The following CTSL variants were observed in gnomAD, a reference collection of about 807,000 sequenced individuals.
CTSL encodes cathepsin L.
CTSL carries 23 observed loss-of-function variants against 34.7 expected under a neutral mutation model. The observed-to-expected ratio is 0.66, with a 90% CI of 0.48 to 0.94. CTSL has a LOEUF of 0.94. Ranked by LOEUF, CTSL falls within the 40% of genes least tolerant of loss-of-function variation. The pLI is 0.00. For missense variants in CTSL, 361 were observed against 406.3 expected (o/e 0.89, Z 0.96); for synonymous variants, 129 against 136.7 (o/e 0.94, Z 0.39).
Position 87,731,131 on chromosome 9 carries a change from G to A in CTSL, c.*24G>A. The A allele has an allele frequency of 1.9e-6, 3 of 1,589,358 alleles. No homozygotes were observed. Among genetic ancestry groups the A allele is most frequent in the Middle Eastern group, 1.7e-4 (1 of 5,992 alleles). ...GAGCTGGTGGACGGTGATGAGGAAG[G>A]ACTTGACTGGGGATGGCGCATGCAT... On this transcript the variant is annotated 3_prime_UTR_variant, in exon 8 of 8. Transcript: ENST00000343150.
Position 87,728,575 on chromosome 9 carries a change from C to T in CTSL, c.397-10C>T, listed in dbSNP as rs182532000. ...TTGTGGATGACAGCTTTTTTTAATT[C>T]CCTTTTCAGGGTCAGTGTGGTTCTT... is the stretch of plus-strand genomic sequence containing the variant. On this transcript the variant is annotated splice_polypyrimidine_tract_variant and intron_variant, in intron 4 of 7. Transcript: ENST00000343150. 1 of 1,595,746 alleles carries T rather than the reference C, an allele frequency of 6.3e-7. No homozygotes were observed. Among genetic ancestry groups the T allele is most frequent in the South Asian group, 1.1e-5 (1 of 87,794 alleles).
At chr9:87,728,924 G>A (rs1587870508) in intron 5 of CTSL, 115 bp downstream of exon 5, 13 of 1,523,770 alleles carry the variant, frequency 8.5e-6, no homozygotes, top group South Asian at 3.8e-5. Flanking sequence ...GGTGGCTCAC[G>A]CCTGTAATCC....
intron 5 of CTSL, 163 bp downstream of exon 5, chr9:87,728,972 G>A: frequency 6.9e-7 from 1 of 1,448,458 alleles, no homozygotes; most frequent in East Asian, 2.5e-5. Flanking sequence ...GATGGCTTAA[G>A]CTCAGGAGTT....
intron 4 of CTSL, 23 bp from the exon 5 acceptor site, chr9:87,728,562 G>T: frequency 6.3e-7 from 1 of 1,596,194 alleles, no homozygotes; most frequent in South Asian, 1.1e-5. Context: ...GTGGATGACA[G>T]CTTTTTTTAA....
intron 2 of CTSL, 59 bp downstream of exon 2, chr9:87,727,788 G>A: frequency 1.2e-6 from 2 of 1,601,486 alleles, no homozygotes; most frequent in Non-Finnish European, 1.7e-6. Context: ...TAGTCAGAGA[G>A]TAGCTTCTAG....
chr9:87,730,674 T>C (rs535301396), intron 7 of CTSL, among the ~76,000 whole-genome samples, 176 bp downstream of exon 7: 2 of 152,362 alleles, frequency 1.3e-5, no homozygotes, highest in Admixed American at 1.3e-4. Flanking sequence ...CACAAATATC[T>C]TGGGAGTATG....
Position 87,728,800 on chromosome 9 carries a change from T to C in CTSL, c.612T>C (p.Tyr204=), listed in dbSNP as rs1240724703. The change falls in exon 5 of 8, where the codon TAT becomes TAC. Residue 204 remains tyrosine, a synonymous_variant. Transcript: ENST00000343150. ...GGLDSEESYP[Y]EATEESCKYN... is the part of the protein sequence containing the mutation. Reference sequence around the variant, plus strand: ...TGGACTCTGAGGAATCCTATCCATATGAGGCAACAGTAAGTGGAGCTCCTT... The same window carrying C: ...TGGACTCTGAGGAATCCTATCCATACGAGGCAACAGTAAGTGGAGCTCCTT... 3 of 1,614,110 alleles carry C rather than the reference T, an allele frequency of 1.9e-6. No individual in the cohort carries two copies. The highest frequency in any genetic ancestry group is 2.7e-5 in the African/African-American group (2 of 74,936).
rs374846955 is a variant in CTSL, at chr9:87,727,944, ATC to A, written c.127-79_127-78del. ...CTTCCCTTGCCATGGTTTCTCTTCC[ATC>A]TCTGTCTGCAGATTCACTTGGTGAG... On this transcript the variant is annotated intron_variant, in intron 2 of 7. Transcript: ENST00000343150. 12 of 1,585,864 alleles carry A rather than the reference ATC, an allele frequency of 7.6e-6. No individual in the cohort carries two copies. The African/African-American group carries it at 1.3e-4, about 18-fold the overall frequency.
rs1368374912 is a variant in CTSL at position 87,729,611 on chromosome 9, T to G, written c.660T>G (p.Ala220=). The G allele has an allele frequency of 5.6e-6, 9 of 1,614,204 alleles. No individual in the cohort carries two copies. The highest frequency in any genetic ancestry group is 7.6e-6 in the Non-Finnish European group (9 of 1,180,026). The change falls in exon 6 of 8, where the codon GCT becomes GCG. Residue 220 remains alanine, a synonymous_variant. Transcript: ENST00000343150. ...SCKYNPKYSV[A]NDTGFVDIPK... ...AGTACAATCCCAAGTATTCTGTTGC[T>G]AATGACACCGGCTTTGTGGACATCC...
rs12686298 is a variant in CTSL at position 87,728,732 on chromosome 9, C to T, written c.544C>T (p.Leu182=). 3.7e-6 allele frequency: 6 copies of T among 1,614,090 alleles called. No homozygotes were observed. The highest frequency in any genetic ancestry group is 2.2e-5 in the East Asian group (1 of 44,870). The change falls in exon 5 of 8, where the codon CTA becomes TTA. Residue 182 remains leucine (L), a synonymous_variant. Coordinates refer to ENST00000343150, the MANE Select transcript of CTSL (RefSeq NM_001912.5). ...AGGCAATGAAGGCTGCAATGGTGGC[C>T]TAATGGATTATGCTTTCCAGTATGT... The part of the protein sequence containing the change: ...PQGNEGCNGG[L]MDYAFQYVQD...
chr9:87,730,414 A>G lies in CTSL; in HGVS notation c.818A>G (p.Asp273Gly), dbSNP rs1370964946. 6.2e-7 allele frequency: 1 copy of G among 1,612,502 alleles called. No individual in the cohort carries two copies. Among genetic ancestry groups the G allele is most frequent in the East Asian group, 2.2e-5 (1 of 44,686 alleles). The change falls in exon 7 of 8, where the codon GAC (aspartate) becomes GGC (glycine). Residue 273 changes from aspartate to glycine, a missense_variant. Transcript: ENST00000343150. ...TTTGAGCCAGACTGTAGCAGTGAAG[A>G]CATGGATCATGGTGTGCTGGTGGTT... ...IYFEPDCSSEDMDHGVLVVGY... is the reference protein window; with the variant it reads ...IYFEPDCSSEGMDHGVLVVGY...
chr9:87,728,701 G>A lies in CTSL; in HGVS notation c.513G>A (p.Gly171=). The part of the protein sequence containing the change: ...LSEQNLVDCS[G]PQGNEGCNGG... The stretch of plus-strand genomic sequence containing the variant: ...AGCAGAATCTGGTAGACTGCTCTGG[G>A]CCTCAAGGCAATGAAGGCTGCAATG... Residue 171 remains glycine, a synonymous_variant, in exon 5 of 8, where the codon GGG becomes GGA. Transcript: ENST00000343150. The A allele has an allele frequency of 6.2e-7, 1 of 1,614,124 alleles. No homozygotes were observed. Among genetic ancestry groups the A allele is most frequent in the Non-Finnish European group, 8.5e-7 (1 of 1,180,034 alleles).
In CTSL at chr9:87,731,138, C is replaced by G. The variant is rs1283218005; in HGVS notation, c.*31C>G. 6 of 1,560,068 alleles carry G rather than the reference C, an allele frequency of 3.8e-6. No individual in the cohort carries two copies. The highest frequency in any genetic ancestry group is 5.3e-6 in the Non-Finnish European group (6 of 1,132,206). ...TGGACGGTGATGAGGAAGGACTTGA[C>G]TGGGGATGGCGCATGCATGGGAGGA... On this transcript the variant is annotated 3_prime_UTR_variant, in exon 8 of 8. Coordinates refer to ENST00000343150, the MANE Select transcript of CTSL (RefSeq NM_001912.5).
At chr9:87,729,521 C>T (rs1476578292) in intron 5 of CTSL, 52 bp from the exon 6 acceptor site, 23 of 1,543,564 alleles carry the variant, frequency 1.5e-5, no homozygotes, top group Admixed American at 3.5e-5. Flanking sequence ...TCATGTTCTC[C>T]AGGAGGAGGA....
intron 7 of CTSL, 110 bp from the exon 8 acceptor site, chr9:87,730,898 C>A (rs529549206): frequency 2.5e-6 from 2 of 804,862 alleles, no homozygotes; most frequent in East Asian, 2.7e-5. Flanking sequence ...TGTCCTGATT[C>A]TTTCTGTTAA....
intron 7 of CTSL, 101 bp from the exon 8 acceptor site, chr9:87,730,907 A>G (rs1826232470): frequency 2.3e-6 from 2 of 868,826 alleles, no homozygotes; most frequent in Non-Finnish European, 3.6e-6. Context: ...TCTTTCTGTT[A>G]AGTCTATGGC....
chr9:87,730,171 T>G (rs1372250664), intron 6 of CTSL, among the ~76,000 whole-genome samples: 2 of 152,216 alleles, frequency 1.3e-5, no homozygotes, highest in East Asian at 3.9e-4. Flanking sequence ...GGAAAGCTTT[T>G]TTTTAATGAA....
rs1826113289 is a variant in CTSL, at chr9:87,728,314, T to C, written c.314T>C (p.Val105Ala). ...AACCGTAAGCCCAGGAAGGGGAAAGTGTTCCAGGAACCTCTGTTTTATGAG... is the reference window on the plus strand; with the variant it reads ...AACCGTAAGCCCAGGAAGGGGAAAGCGTTCCAGGAACCTCTGTTTTATGAG... ...FQNRKPRKGK[V>A]FQEPLFYEAP... is the part of the protein sequence containing the mutation. Residue 105 changes from valine (V) to alanine (A), a missense_variant, in exon 4 of 8, where the codon GTG becomes GCG. Physicochemically the swap from Val to Ala is moderately conservative, Grantham distance 64 (BLOSUM62 0). Transcript: ENST00000343150. 6.2e-7 allele frequency: 1 copy of C among 1,614,062 alleles called. No individual in the cohort carries two copies. Among genetic ancestry groups the C allele is most frequent in the Admixed American group, 1.7e-5 (1 of 60,008 alleles).
At position 87,729,050 on chromosome 9, in the gene CTSL, G is replaced by A. The variant is rs1021230454; in HGVS notation, c.621+241G>A. ...AAAATACAACGAAAATTAGCCGGCT[G>A]TGGTGGTGTGCGTCTGTGGTCCCAG... On this transcript the variant is annotated intron_variant, in intron 5 of 7. Transcript: ENST00000343150. 43 of 1,107,220 alleles carry A rather than the reference G, an allele frequency of 3.9e-5. 1 individual carries two copies. The South Asian group carries it at 6.9e-4, about 18-fold the overall frequency. The allele number at this position is 1,107,220 out of a possible 1,614,324, so 68.6% of individuals were successfully genotyped here.
Sources: gnomAD v4.1 joint callset for allele counts (sites outside exome capture counted in the v4.1 genomes callset) on GRCh38, gnomAD v4.1.1 for gene constraint, MANE v1.5 for transcripts, NCBI Gene and HGNC (gene_info 2026-07-23, HGNC 2026-07-21) for gene names.